The following TIMP3 variants were observed in gnomAD, a reference collection of about 807,000 sequenced individuals.
TIMP3 encodes TIMP metallopeptidase inhibitor 3, also known as metalloproteinase inhibitor 3.
In TIMP3, 11 loss-of-function variants were observed where a neutral mutation model predicts 30.0. That is an observed-to-expected ratio of 0.37 (90% confidence interval 0.23 to 0.61). The LOEUF (loss-of-function observed/expected upper bound fraction) is 0.61, where lower values mean the gene tolerates loss of function less well. Among genes scored for constraint, TIMP3 ranks in the 20% least tolerant of loss-of-function variants. The pLI, the probability that TIMP3 is intolerant of heterozygous loss-of-function variation, is 0.70. For missense variants in TIMP3, 181 were observed against 276.8 expected (o/e 0.65, Z 2.45); for synonymous variants, 112 against 111.3 (o/e 1.01, Z -0.04).
rs1278917069 is a variant in TIMP3, at chr22:32,860,953, T to G, written c.*1576T>G. On this transcript the variant is annotated 3_prime_UTR_variant, in exon 5 of 5. Coordinates refer to ENST00000266085, the MANE Select transcript of TIMP3 (RefSeq NM_000362.5). ...TTTGAAATAAAACTATAATATAAATTCTCCTATTAAATAAAATTATTTTAA... is the reference window on the plus strand; with the variant it reads ...TTTGAAATAAAACTATAATATAAATGCTCCTATTAAATAAAATTATTTTAA... 6.6e-6 allele frequency: 1 copy of G among 151,118 alleles called. No individual in the cohort carries two copies. The highest frequency in any genetic ancestry group is 1.5e-5 in the Non-Finnish European group (1 of 67,826). The allele number at this position is 151,118 out of a possible 1,614,324, so 9.4% of individuals were successfully genotyped here. A position where few individuals can be genotyped will look rare whatever the true frequency, so the allele number is the denominator to read the frequency against.
chr22:32,810,429 G>A (rs898608332), intron 1 of TIMP3, among the ~76,000 whole-genome samples: 1 of 151,952 alleles, frequency 6.6e-6, no homozygotes, highest in African/African-American at 2.4e-5. Flanking sequence ...GGCTTTTTGT[G>A]GGGGTGGGGA....
intron 1 of TIMP3, among the ~76,000 whole-genome samples, chr22:32,830,246 A>T (rs539225484): frequency 1.3e-5 from 2 of 152,296 alleles, no homozygotes; most frequent in East Asian, 3.9e-4. Context: ...ACAAAACAGT[A>T]GTCACCGCTG....
chr22:32,850,043 C>T (rs906664848), intron 2 of TIMP3, among the ~76,000 whole-genome samples: 1 of 150,956 alleles, frequency 6.6e-6, no homozygotes, highest in African/African-American at 2.4e-5. Flanking sequence ...GGAACCTCAT[C>T]CCAAGGCAGG....
At chr22:32,817,316 T>C (rs955093771) in intron 1 of TIMP3, among the ~76,000 whole-genome samples, 2 of 152,236 alleles carry the variant, frequency 1.3e-5, no homozygotes, top group Non-Finnish European at 2.9e-5. Flanking sequence ...GAAGTCCTGC[T>C]GCATGGTGAC....
At chr22:32,807,106 C>T (rs1005835518) in intron 1 of TIMP3, among the ~76,000 whole-genome samples, 20 of 150,460 alleles carry the variant, frequency 1.3e-4, no homozygotes, top group Non-Finnish European at 2.2e-4. Flanking sequence ...CTCCTGACTG[C>T]CCCCCTGGCT....
At chr22:32,858,529 A>C (rs1157057663) in intron 4 of TIMP3, among the ~76,000 whole-genome samples, 1 of 152,130 alleles carries the variant, frequency 6.6e-6, no homozygotes, top group Non-Finnish European at 1.5e-5. Context: ...ACCCCACCCC[A>C]GGTAGGCAAA....
At chr22:32,835,903 T>C (rs746090861) in intron 1 of TIMP3, among the ~76,000 whole-genome samples, 1 of 152,222 alleles carries the variant, frequency 6.6e-6, no homozygotes. Context: ...GAGAGTTAAC[T>C]CCACCTCAAA....
At chr22:32,852,932 G>A (rs1365065442) in intron 2 of TIMP3, among the ~76,000 whole-genome samples, 7 of 152,280 alleles carry the variant, frequency 4.6e-5, no homozygotes, top group Non-Finnish European at 2.9e-5. Flanking sequence ...TTTATGTAGC[G>A]GAGACATGCT....
Position 32,801,978 on chromosome 22 carries a change from C to CCGGCAGCGG in TIMP3, c.-16_-8dup, listed in dbSNP as rs772087197. 7 of 1,581,312 alleles carry CCGGCAGCGG rather than the reference C, an allele frequency of 4.4e-6. No homozygotes were observed. The African/African-American group carries it at 5.4e-5, about 12-fold the overall frequency. On this transcript the variant is annotated 5_prime_UTR_variant, in exon 1 of 5. Transcript: ENST00000266085. This position sits in a 1 kb window ranked among gnomAD's most constrained non-coding sequence, Gnocchi z 4.7. ...AACTTTGGAGAGGCGAGCAGCAGCCCCGGCAGCGGCGGCAGCAGCGGCAAT... is the reference window on the plus strand; with the variant it reads ...AACTTTGGAGAGGCGAGCAGCAGCCCCGGCAGCGGCGGCAGCGGCGGCAGCAGCGGCAAT...
Position 32,828,730 on chromosome 22 carries a change from C to G in TIMP3, c.122-20722C>G, listed in dbSNP as rs2047484790. Among the ~76,000 whole-genome samples the G allele has an allele frequency of 2.6e-5, 4 of 152,188 alleles. No homozygotes were observed. In the South Asian group the frequency reaches 8.3e-4, roughly 32 times the overall value. On this transcript the variant is annotated intron_variant, in intron 1 of 4. Transcript: ENST00000266085. ...TACCTACCCACTATAGACTTCTTGG[C>G]CGGTTCTGGGAGACTGAGCTCTTTC...
At chr22:32,831,360 C>T (rs1031416382) in intron 1 of TIMP3, among the ~76,000 whole-genome samples, 1 of 152,172 alleles carries the variant, frequency 6.6e-6, no homozygotes, top group Admixed American at 6.5e-5. Context: ...AAAGTTAACT[C>T]AGAGCATTAG....
intron 1 of TIMP3, among the ~76,000 whole-genome samples, chr22:32,807,769 T>G (rs2046804553): frequency 6.6e-6 from 1 of 151,610 alleles, no homozygotes; most frequent in African/African-American, 2.4e-5. Flanking sequence ...TACTACATAC[T>G]CTTATATTAT....
chr22:32,818,497 A>G (rs1268622882), intron 1 of TIMP3, among the ~76,000 whole-genome samples: 1 of 152,120 alleles, frequency 6.6e-6, no homozygotes, highest in African/African-American at 2.4e-5. Flanking sequence ...GGATGAAGTT[A>G]AGGAGAAGTC....
Position 32,847,687 on chromosome 22 carries a change from A to ATG in TIMP3, c.122-1751_122-1750dup, listed in dbSNP as rs561103406. On this transcript the variant is annotated intron_variant, in intron 1 of 4. Coordinates refer to ENST00000266085, the MANE Select transcript of TIMP3 (RefSeq NM_000362.5). ...GAGGAAGGATAATGGAGCTACCAAA[A>ATG]TGTGTGTGTGTGTGTTTGTGTTTGT... Among the ~76,000 whole-genome samples, 253 of 152,110 alleles carry ATG rather than the reference A, an allele frequency of 1.7e-3. 4 individuals are homozygous for ATG. The highest frequency in any genetic ancestry group is 1.0e-3 in the South Asian group (5 of 4,816).
intron 1 of TIMP3, among the ~76,000 whole-genome samples, chr22:32,842,084 G>A (rs1201094077): frequency 6.6e-6 from 1 of 152,178 alleles, no homozygotes; most frequent in East Asian, 1.9e-4. Context: ...GGCACCTTTG[G>A]AGGCTGGTAA....
chr22:32,838,416 A>G (rs1252130280), intron 1 of TIMP3, among the ~76,000 whole-genome samples: 1 of 152,138 alleles, frequency 6.6e-6, no homozygotes, highest in East Asian at 1.9e-4. Flanking sequence ...CCTGCAGAGG[A>G]GTCAGCAGGT....
chr22:32,856,010 T>G (rs1484353404), intron 2 of TIMP3, among the ~76,000 whole-genome samples: 3 of 152,162 alleles, frequency 2.0e-5, no homozygotes, highest in African/African-American at 7.2e-5. Context: ...ATAAAAAACA[T>G]GGAGAATTTC....
chr22:32,812,441 C>T (rs540068280), intron 1 of TIMP3, among the ~76,000 whole-genome samples: 4 of 152,304 alleles, frequency 2.6e-5, no homozygotes, highest in African/African-American at 7.2e-5. Context: ...AGCAACCTTG[C>T]AGACTTAGTC....
intron 1 of TIMP3, among the ~76,000 whole-genome samples, chr22:32,817,062 T>TAA (rs130284): frequency 0.02 from 2,871 of 145,058 alleles, 86 homozygotes; most frequent in African/African-American, 0.064. Flanking sequence ...TCTACTAATT[T>TAA]AAAAAAAAAA....
Sources: gnomAD v4.1 joint callset for allele counts (sites outside exome capture counted in the v4.1 genomes callset) on GRCh38, gnomAD v4.1.1 for gene constraint, Gnocchi (gnomAD v3.1) non-coding constraint, MANE v1.5 for transcripts, NCBI Gene and HGNC (gene_info 2026-07-23, HGNC 2026-07-21) for gene names.